Variants in TRABD2B observed in about 807,000 individuals in gnomAD.
TRABD2B encodes the protein TraB domain containing 2B, also known as metalloprotease TIKI2.
A neutral mutation model predicts 40.1 loss-of-function variants in TRABD2B; 14 were observed. The observed-to-expected ratio is 0.35, with a 90% confidence interval of 0.23 to 0.55. The LOEUF is 0.55. Ranked by LOEUF, TRABD2B falls within the 20% of genes least tolerant of loss-of-function variation. TRABD2B has a pLI of 0.90. For synonymous variants in TRABD2B, 263 were observed against 277.0 expected (o/e 0.95, Z 0.50); for missense variants, 541 against 648.6 (o/e 0.83, Z 1.80).
rs186590478 is a variant in TRABD2B, at chr1:47,806,414, G to A, written c.667-4795C>T. ...CCCAAGCCTGGTGCTGCTCAGACTC[G>A]AGATGTCTTCTGCTCCTGGCCACCT... On this transcript the variant is annotated intron_variant, in intron 2 of 6. Transcript: ENST00000606738. 2.1e-3 allele frequency among the ~76,000 whole-genome samples: 318 copies of A among 152,276 alleles called. 2 individuals carry two copies. Among genetic ancestry groups the A allele is most frequent in the African/African-American group, 7.4e-3 (306 of 41,536 alleles).
intron 2 of TRABD2B, among the ~76,000 whole-genome samples, chr1:47,868,412 G>T (rs1365245797): frequency 6.6e-6 from 1 of 152,166 alleles, no homozygotes; most frequent in Admixed American, 6.5e-5. Context: ...CTCTAAAGCG[G>T]GGTCCCCAAT....
chr1:47,872,594 G>A (rs1644160137), intron 2 of TRABD2B, among the ~76,000 whole-genome samples: 6 of 152,208 alleles, frequency 3.9e-5, no homozygotes. Flanking sequence ...AGCTGGTATA[G>A]ATGGTGAGAG....
At chr1:47,899,175 A>G (rs1439145761) in intron 2 of TRABD2B, among the ~76,000 whole-genome samples, 1 of 152,128 alleles carries the variant, frequency 6.6e-6, no homozygotes, top group South Asian at 2.1e-4. Context: ...CTTCCACTCC[A>G]GGTGGGGGTT....
At chr1:47,785,103 C>T (rs778602792) in intron 4 of TRABD2B, among the ~76,000 whole-genome samples, 2 of 152,098 alleles carry the variant, frequency 1.3e-5, no homozygotes, top group Admixed American at 6.5e-5. Context: ...TGGTGTGGCA[C>T]GTGCTGGCCA....
intron 2 of TRABD2B, among the ~76,000 whole-genome samples, chr1:47,875,826 C>G (rs1001946697): frequency 6.6e-6 from 1 of 152,124 alleles, no homozygotes; most frequent in African/African-American, 2.4e-5. Context: ...GATCCTGGCC[C>G]CCAGGTGAGT....
intron 2 of TRABD2B, among the ~76,000 whole-genome samples, chr1:47,902,041 C>T (rs1416439136): frequency 6.6e-6 from 1 of 152,190 alleles, no homozygotes; most frequent in African/African-American, 2.4e-5. Flanking sequence ...GTACAACCTT[C>T]AATTGGCCAG....
chr1:47,920,106 A>T (rs1644882174), intron 2 of TRABD2B, among the ~76,000 whole-genome samples: 3 of 152,000 alleles, frequency 2.0e-5, no homozygotes, highest in African/African-American at 7.3e-5. Context: ...GTAAGATGAG[A>T]CTCATTATGG....
At chr1:47,937,748 T>C (rs1645132916) in intron 2 of TRABD2B, among the ~76,000 whole-genome samples, 1 of 152,158 alleles carries the variant, frequency 6.6e-6, no homozygotes, top group African/African-American at 2.4e-5. Flanking sequence ...GAAGGTATTG[T>C]CTCTTAAGGC....
chr1:47,769,112 C>T (rs1644346413), intron 6 of TRABD2B, among the ~76,000 whole-genome samples: 1 of 152,362 alleles, frequency 6.6e-6, no homozygotes, highest in Admixed American at 6.5e-5. Flanking sequence ...GGATTAGTGC[C>T]TGTGCCGGGC....
At chr1:47,807,873 A>G (rs1201077690) in intron 2 of TRABD2B, among the ~76,000 whole-genome samples, 1 of 152,182 alleles carries the variant, frequency 6.6e-6, no homozygotes, top group African/African-American at 2.4e-5. Context: ...GTTAGGTGGA[A>G]CTATGGCCAT....
chr1:47,800,845 A>C (rs913587969), intron 3 of TRABD2B, among the ~76,000 whole-genome samples: 1 of 152,154 alleles, frequency 6.6e-6, no homozygotes, highest in Non-Finnish European at 1.5e-5. Flanking sequence ...ACAATGGAAG[A>C]GTTGCAAGTT....
At chr1:47,797,742 G>A (rs1372714631) in intron 3 of TRABD2B, among the ~76,000 whole-genome samples, 1 of 152,150 alleles carries the variant, frequency 6.6e-6, no homozygotes, top group Non-Finnish European at 1.5e-5. Flanking sequence ...GGCTGGGATG[G>A]AAGCAAATTA....
rs2148467659 is a variant in TRABD2B, at chr1:47,994,823, T to A, written c.103-226A>T. Reference sequence around the variant, plus strand: ...AGTGAATCATTTCACTTCCACAGGCTCAGTTTCCTCATCTGTAAAATGGGG... The same window carrying A: ...AGTGAATCATTTCACTTCCACAGGCACAGTTTCCTCATCTGTAAAATGGGG... On this transcript the variant is annotated intron_variant, in intron 1 of 6. Transcript: ENST00000606738. The surrounding 1 kb of genome is among the most constrained non-coding windows in gnomAD (Gnocchi z 6.7). Among the ~76,000 whole-genome samples the A allele has an allele frequency of 6.6e-6, 1 of 152,328 alleles. No individual in the cohort carries two copies. The highest frequency in any genetic ancestry group is 6.5e-5 in the Admixed American group (1 of 15,304).
chr1:47,908,218 T>C (rs140024868), intron 2 of TRABD2B, among the ~76,000 whole-genome samples: 107 of 152,268 alleles, frequency 7.0e-4, no homozygotes, highest in African/African-American at 2.4e-3. Context: ...TATATGCACA[T>C]ATAGAGAGAG....
intron 2 of TRABD2B, among the ~76,000 whole-genome samples, chr1:47,955,404 C>A (rs1401890445): frequency 6.6e-6 from 1 of 152,158 alleles, no homozygotes; most frequent in African/African-American, 2.4e-5. Flanking sequence ...GATCCATTAT[C>A]CTAATACTCA....
intron 2 of TRABD2B, among the ~76,000 whole-genome samples, chr1:47,949,558 C>T (rs575013313): frequency 7.6e-4 from 115 of 151,998 alleles, no homozygotes; most frequent in African/African-American, 2.8e-3. Flanking sequence ...CAGGTGCGTG[C>T]CACCATGGCC....
chr1:47,919,981 C>T (rs533706972), intron 2 of TRABD2B, among the ~76,000 whole-genome samples: 13 of 152,330 alleles, frequency 8.5e-5, no homozygotes, highest in Non-Finnish European at 1.6e-4. Flanking sequence ...TGAAAGAGAT[C>T]TGGGAACAGA....
At chr1:47,978,633 G>A (rs1409857262) in intron 2 of TRABD2B, among the ~76,000 whole-genome samples, 1 of 152,154 alleles carries the variant, frequency 6.6e-6, no homozygotes, top group African/African-American at 2.4e-5. Flanking sequence ...GTGTTCCTAC[G>A]AAATGCCTTT....
At chr1:47,942,354 C>G (rs780618753) in intron 2 of TRABD2B, among the ~76,000 whole-genome samples, 1 of 150,120 alleles carries the variant, frequency 6.7e-6, no homozygotes, top group Non-Finnish European at 1.5e-5. Flanking sequence ...AGGGCCAGAG[C>G]TGGAAGTGGT....
Sources: allele counts gnomAD v4.1 joint callset (sites outside exome capture counted in the v4.1 genomes callset), GRCh38; gene constraint gnomAD v4.1.1; non-coding constraint Gnocchi (gnomAD v3.1); transcripts MANE v1.5; gene names NCBI Gene and HGNC (gene_info 2026-07-23, HGNC 2026-07-21).